PRPF39: variants seen among roughly 807,000 people sequenced by gnomAD.
PRPF39 encodes the protein pre-mRNA-processing factor 39.
Under a neutral mutation model 82.1 loss-of-function variants are expected in PRPF39, and 27 were observed. The ratio of observed to expected loss-of-function variants is 0.33; its 90% confidence interval spans 0.24 to 0.45. The LOEUF is 0.45. PRPF39 is among the 20% of genes least tolerant of loss of function. The pLI, the probability that PRPF39 is intolerant of heterozygous loss-of-function variation, is 1.00. For synonymous variants in PRPF39, 261 were observed against 256.4 expected (o/e 1.02, Z -0.17); for missense variants, 581 against 796.9 (o/e 0.73, Z 3.26).
chr14:45,108,843 T>C (rs910196547), intron 7 of PRPF39, among the ~76,000 whole-genome samples: 11 of 152,196 alleles, frequency 7.2e-5, no homozygotes, highest in Non-Finnish European at 1.3e-4. Flanking sequence ...ATTTTAGATA[T>C]ATAGTAAAAT....
intron 11 of PRPF39, 23 bp from the exon 12 acceptor site, chr14:45,114,160 G>A (rs1884772024): frequency 6.6e-7 from 1 of 1,512,222 alleles, no homozygotes; most frequent in South Asian, 1.2e-5. Flanking sequence ...TATTCCAGAG[G>A]ATATTTTTTT....
chr14:45,084,573 GGAA>G (rs1426078879), intron 1 of PRPF39, among the ~76,000 whole-genome samples: 1 of 152,204 alleles, frequency 6.6e-6, no homozygotes, highest in Non-Finnish European at 1.5e-5. Flanking sequence ...TCCCGGAGCT[GGAA>G]CACGGCTGGG....
intron 4 of PRPF39, among the ~76,000 whole-genome samples, chr14:45,097,995 G>A (rs1463148316): frequency 6.6e-6 from 1 of 152,128 alleles, no homozygotes; most frequent in Non-Finnish European, 1.5e-5. Flanking sequence ...TAGACATTAT[G>A]TATCTGTTAC....
At chr14:45,095,889 GTTT>G (rs371379977) in intron 2 of PRPF39, among the ~76,000 whole-genome samples, 2 of 129,996 alleles carry the variant, frequency 1.5e-5, no homozygotes, top group Admixed American at 7.8e-5. Flanking sequence ...GCCTGTGTAG[GTTT>G]TTTTTTTTTT....
At chr14:45,086,544 T>G (rs956984654) in intron 1 of PRPF39, among the ~76,000 whole-genome samples, 2 of 152,156 alleles carry the variant, frequency 1.3e-5, no homozygotes, top group Admixed American at 1.3e-4. Context: ...GGGGAACAGC[T>G]TTTGTCAAGG....
intron 3 of PRPF39, 137 bp downstream of exon 3, chr14:45,096,365 T>TA (rs1884203153): frequency 1.3e-6 from 2 of 1,531,590 alleles, no homozygotes; most frequent in African/African-American, 2.8e-5. Flanking sequence ...ATAGGGTATT[T>TA]ATTTGCATTT....
rs199937243 is a variant in PRPF39 at position 45,110,088 on chromosome 14, A to G, written c.1177-6A>G. ...TTATTCAGTATTTCCTCTTTTCTGT[A>G]TGTAGTATGCCAAGTACATGGAAAA... On this transcript the variant is annotated splice_polypyrimidine_tract_variant and splice_region_variant and intron_variant, in intron 8 of 13. Coordinates refer to ENST00000355765, the MANE Select transcript of PRPF39 (RefSeq NM_017922.4). This position sits in a 1 kb window ranked among gnomAD's most constrained non-coding sequence, Gnocchi z 4.0. 3.5e-5 allele frequency: 57 copies of G among 1,612,954 alleles called. No homozygotes were observed. The highest frequency in any genetic ancestry group is 4.6e-5 in the Non-Finnish European group (54 of 1,179,222).
chr14:45,110,575 T>C lies in PRPF39; in HGVS notation c.1330T>C (p.Leu444=). Residue 444 remains leucine, a synonymous_variant, in exon 10 of 14, where the codon TTG becomes CTG. Coordinates refer to ENST00000355765, the MANE Select transcript of PRPF39 (RefSeq NM_017922.4). This position sits in a 1 kb window ranked among gnomAD's most constrained non-coding sequence, Gnocchi z 4.0. ...TAATATTAATGAAGCCAGGAATATC[T>C]TGAAAACATTTGAAGAATGTGTTCT... ...QGNINEARNI[L]KTFEECVLGL... is the part of the protein sequence containing the mutation. 3 of 1,563,952 alleles carry C rather than the reference T, an allele frequency of 1.9e-6. No individual in the cohort carries two copies. Among genetic ancestry groups the C allele is most frequent in the Non-Finnish European group, 2.6e-6 (3 of 1,152,742 alleles).
chr14:45,089,013 TATG>T (rs1450334331), intron 1 of PRPF39, among the ~76,000 whole-genome samples: 1 of 152,216 alleles, frequency 6.6e-6, no homozygotes, highest in Non-Finnish European at 1.5e-5. Flanking sequence ...TTATTACAGA[TATG>T]ATATGCAAAT....
At position 45,095,388 on chromosome 14, in the gene PRPF39, A is replaced by G. The variant is rs772583102; in HGVS notation, c.149A>G (p.Asn50Ser). Reference sequence around the variant, plus strand: ...GAACAGTCACCTGATGACTCTCCCAATGTGAATGCATCTACAGAAGAAACT... The same window carrying G: ...GAACAGTCACCTGATGACTCTCCCAGTGTGAATGCATCTACAGAAGAAACT... ...EMEQSPDDSP[N>S]VNASTEETEM... The change falls in exon 2 of 14, where the codon AAT becomes AGT. Residue 50 changes from asparagine (N) to serine (S), a missense_variant. By Grantham distance (46) the Asn-to-Ser change is conservative. Coordinates refer to ENST00000355765, the MANE Select transcript of PRPF39 (RefSeq NM_017922.4). 3.7e-6 allele frequency: 6 copies of G among 1,613,870 alleles called. No individual in the cohort carries two copies. Among genetic ancestry groups the G allele is most frequent in the South Asian group, 3.3e-5 (3 of 91,088 alleles).
intron 5 of PRPF39, 79 bp from the exon 6 acceptor site, chr14:45,107,372 G>T: frequency 4.7e-6 from 5 of 1,062,490 alleles, no homozygotes; most frequent in Non-Finnish European, 6.6e-6. Flanking sequence ...TCCTTTGAAA[G>T]AGTAGTATAT....
At chr14:45,108,372 A>T in intron 6 of PRPF39, 43 bp from the exon 7 acceptor site, 3 of 1,534,900 alleles carry the variant, frequency 2.0e-6, no homozygotes, top group Non-Finnish European at 2.6e-6. Context: ...AATTTTCAGT[A>T]TACAGTTTGT....
Position 45,087,777 on chromosome 14 carries a change from C to T in PRPF39, c.-20+3528C>T, listed in dbSNP as rs376641973. Among the ~76,000 whole-genome samples, 27 of 140,700 alleles carry T rather than the reference C, an allele frequency of 1.9e-4. No individual in the cohort carries two copies. The East Asian group carries it at 2.9e-3, about 15-fold the overall frequency. The allele number at this position is 140,700 out of a possible 152,430, so 92.3% of individuals were successfully genotyped here. ...TTTTTTTTTGTATTTTTAGTAGAGA[C>T]GGGATTTCACCGTGTTAGACAGGAT... On this transcript the variant is annotated intron_variant, in intron 1 of 13. Coordinates refer to ENST00000355765, the MANE Select transcript of PRPF39 (RefSeq NM_017922.4).
chr14:45,090,744 GTA>G (rs951838711), intron 1 of PRPF39, among the ~76,000 whole-genome samples: 4 of 152,104 alleles, frequency 2.6e-5, no homozygotes, highest in Non-Finnish European at 5.9e-5. Flanking sequence ...GTGTGTGTGT[GTA>G]TGTGTTGTGT....
intron 6 of PRPF39, 83 bp downstream of exon 6, chr14:45,107,699 T>C: frequency 7.2e-7 from 1 of 1,380,140 alleles, no homozygotes; most frequent in Non-Finnish European, 9.8e-7. Flanking sequence ...GAGGCCAAGG[T>C]AGGCGGGTCA....
At chr14:45,088,159 G>A (rs1883903809) in intron 1 of PRPF39, 1 of 155,196 alleles carries the variant, frequency 6.4e-6, no homozygotes, top group South Asian at 1.9e-4. Context: ...GAAAAAGAAT[G>A]CTGTTGGGGC....
intron 5 of PRPF39, among the ~76,000 whole-genome samples, chr14:45,104,183 T>C (rs1566695978): frequency 6.6e-6 from 1 of 152,128 alleles, no homozygotes; most frequent in Admixed American, 6.5e-5. Context: ...CCACTAGGCT[T>C]TTATTTATTT....
chr14:45,085,215 T>G (rs929544315), intron 1 of PRPF39, among the ~76,000 whole-genome samples: 1 of 152,102 alleles, frequency 6.6e-6, no homozygotes, highest in African/African-American at 2.4e-5. Context: ...CCCTCTAGAT[T>G]TATAACCTCA....
chr14:45,114,686 TAAA>T lies in PRPF39; in HGVS notation c.1953+77_1953+79del, dbSNP rs750363486. 6 of 1,514,800 alleles carry T rather than the reference TAAA, an allele frequency of 4.0e-6. No individual in the cohort carries two copies. In the African/African-American group the frequency reaches 8.4e-5, roughly 21 times the overall value. 93.8% of individuals were successfully genotyped at this position (1,514,800 alleles called of 1,614,324 possible). On this transcript the variant is annotated intron_variant, in intron 13 of 13. Transcript: ENST00000355765. Reference sequence around the variant, plus strand: ...TAAATTAGGATAGTTTCTTTTTTTTTAAAAAAAGTTTTTGTTCCAATTGTGTAA... The same window carrying T: ...TAAATTAGGATAGTTTCTTTTTTTTTAAAAGTTTTTGTTCCAATTGTGTAA...
Sources: allele counts gnomAD v4.1 joint callset (sites outside exome capture counted in the v4.1 genomes callset), GRCh38; gene constraint gnomAD v4.1.1; non-coding constraint Gnocchi (gnomAD v3.1); transcripts MANE v1.5; gene names NCBI Gene and HGNC (gene_info 2026-07-23, HGNC 2026-07-21).